The following NBPF3 variants were observed in gnomAD, a reference collection of about 807,000 sequenced individuals.
NBPF3 encodes the protein NBPF member 3.
A neutral mutation model predicts 78.1 loss-of-function variants in NBPF3; 57 were observed. The ratio of observed to expected loss-of-function variants is 0.73; its 90% CI spans 0.59 to 0.91. The LOEUF (loss-of-function observed/expected upper bound fraction) is 0.91, where lower values mean the gene tolerates loss of function less well. Among genes scored for constraint, NBPF3 ranks in the 40% least tolerant of loss-of-function variants. The probability of loss-of-function intolerance (pLI) is 0.00; values close to 1 mark genes in which losing one functional copy is unlikely to be tolerated. For synonymous variants in NBPF3, 182 were observed against 271.7 expected, an observed-to-expected ratio of 0.67 and a Z score of 3.25; for missense variants, 510 against 715.3, an observed-to-expected ratio of 0.71 and a Z score of 3.27.
chr1:21,466,429 A>T (rs551269748), intron 2 of NBPF3, among the ~76,000 whole-genome samples: 1 of 152,310 alleles, frequency 6.6e-6, no homozygotes, highest in Non-Finnish European at 1.5e-5. Flanking sequence ...AATCTTCTCC[A>T]TAAAATGCAC....
In NBPF3 at chr1:21,470,691, G is replaced by A; in HGVS notation, c.403G>A (p.Glu135Lys). The change falls in exon 4 of 15, where the codon GAA becomes AAA. Residue 135 changes from glutamate (E) to lysine (K), a missense_variant. By Grantham distance (56) the Glu-to-Lys change is moderately conservative. Coordinates refer to ENST00000318249, the MANE Select transcript of NBPF3 (RefSeq NM_032264.6). Reference protein sequence around the residue: ...SMLRDERLLTEEKLAEELGQA... With the variant: ...SMLRDERLLTKEKLAEELGQA... ...GCTGAGGGATGAGCGGCTGCTCACA[G>A]AAGAGAAGCTTGCAGAGGAGCTCGG... The A allele has an allele frequency of 6.2e-7, 1 of 1,601,560 alleles. No individual in the cohort carries two copies. Among genetic ancestry groups the A allele is most frequent in the Non-Finnish European group, 8.5e-7 (1 of 1,171,848 alleles).
rs1188459159 is a variant in NBPF3, at chr1:21,450,077, A to G, written c.133+4858A>G. 4.6e-5 allele frequency among the ~76,000 whole-genome samples: 7 copies of G among 152,324 alleles called. No individual in the cohort carries two copies. In the South Asian group the frequency reaches 1.2e-3, roughly 27 times the overall value. On this transcript the variant is annotated intron_variant, in intron 2 of 14. Transcript: ENST00000318249. ...CATTACCACAAACCAGTGGTTTGAA[A>G]CCACAGAAGTCTGGAATGAAGCGGC...
rs1453567445 is a variant in NBPF3 at position 21,444,991 on chromosome 1, T to C, written c.-96T>C. 36 of 1,404,952 alleles carry C rather than the reference T, an allele frequency of 2.6e-5. No individual in the cohort carries two copies. The highest frequency in any genetic ancestry group is 2.7e-4 in the Middle Eastern group (1 of 3,770). The allele number at this position is 1,404,952 out of a possible 1,614,324, so 87.0% of individuals were successfully genotyped here. A position where few individuals can be genotyped will look rare whatever the true frequency, so the allele number is the denominator to read the frequency against. On this transcript the variant is annotated 5_prime_UTR_variant, in exon 2 of 15. Transcript: ENST00000318249. ...CTGTTTAGACCCAGGCGAAGGTTCC[T>C]GGTGACCCAGGCTCTCACCAGCCAA...
At position 21,483,179 on chromosome 1, in the gene NBPF3, A is replaced by C. The variant is rs1558512812; in HGVS notation, c.1695A>C (p.Glu565Asp). ...NEVLMEAEEP[E>D]VLQDSLDRCY... The stretch of plus-strand genomic sequence containing the variant: ...TGCTGATGGAAGCAGAAGAGCCTGA[A>C]GTCTTGCAGGACTCACTGGATAGAT... The change falls in exon 15 of 15, where the codon GAA becomes GAC. Residue 565 changes from glutamate (E) to aspartate (D), a missense_variant. Transcript: ENST00000318249. 1.1e-5 allele frequency: 17 copies of C among 1,607,276 alleles called. No individual in the cohort carries two copies. The highest frequency in any genetic ancestry group is 1.4e-5 in the Non-Finnish European group (17 of 1,177,676).
At position 21,484,104 on chromosome 1, in the gene NBPF3, A is replaced by G. The variant is rs902927032; in HGVS notation, c.*718A>G. ...ACCTGGGACTCTGCCAGTGCAGAAT[A>G]TGAACAATGCCATGTTCTTGCAGAA... On this transcript the variant is annotated 3_prime_UTR_variant, in exon 15 of 15. Transcript: ENST00000318249. The G allele has an allele frequency of 2.6e-5, 2 of 76,278 alleles. No individual in the cohort carries two copies. The highest frequency in any genetic ancestry group is 6.3e-5 in the Non-Finnish European group (2 of 31,806). 4.7% of individuals were successfully genotyped at this position (76,278 alleles called of 1,614,324 possible). A position where few individuals can be genotyped will look rare whatever the true frequency, so the allele number is the denominator to read the frequency against.
In NBPF3 at chr1:21,484,115, C is replaced by A. The variant is rs1643360106; in HGVS notation, c.*729C>A. 1.4e-5 allele frequency: 1 copy of A among 69,380 alleles called. No homozygotes were observed. Among genetic ancestry groups the A allele is most frequent in the Admixed American group, 1.8e-4 (1 of 5,432 alleles). The allele number at this position is 69,380 out of a possible 1,614,324, so 4.3% of individuals were successfully genotyped here. A position where few individuals can be genotyped will look rare whatever the true frequency, so the allele number is the denominator to read the frequency against. On this transcript the variant is annotated 3_prime_UTR_variant, in exon 15 of 15. Coordinates refer to ENST00000318249, the MANE Select transcript of NBPF3 (RefSeq NM_032264.6). ...TGCCAGTGCAGAATATGAACAATGC[C>A]ATGTTCTTGCAGAAAATGCTTAGCC...
chr1:21,471,841 C>T, intron 5 of NBPF3, 58 bp downstream of exon 5: 1 of 1,586,778 alleles, frequency 6.3e-7, no homozygotes, highest in Non-Finnish European at 8.6e-7. Flanking sequence ...AGACTTCAGA[C>T]CTCCATACTT....
rs549786548 is a variant in NBPF3, at chr1:21,460,941, C to T, written c.134-7747C>T. On this transcript the variant is annotated intron_variant, in intron 2 of 14. Transcript: ENST00000318249. The surrounding 1 kb of genome is among the most constrained non-coding windows in gnomAD (Gnocchi z 4.2). The stretch of plus-strand genomic sequence containing the variant: ...GGTTACAAGAAAATGACAAACACAC[C>T]AGTGTTTCAATGAACATAAAATTTT... Among the ~76,000 whole-genome samples, 6 of 152,018 alleles carry T rather than the reference C, an allele frequency of 3.9e-5. No homozygotes were observed. The highest frequency in any genetic ancestry group is 9.7e-5 in the African/African-American group (4 of 41,356).
intron 11 of NBPF3, among the ~76,000 whole-genome samples, chr1:21,480,672 A>G (rs1351451853): frequency 1.3e-5 from 2 of 152,312 alleles, no homozygotes; most frequent in Non-Finnish European, 2.9e-5. Context: ...ATAAGGCATA[A>G]CTGTTTGCAC....
chr1:21,463,496 GAAAGTTCTCATTC>G (rs1642070455), intron 2 of NBPF3, among the ~76,000 whole-genome samples: 1 of 152,166 alleles, frequency 6.6e-6, no homozygotes, highest in Admixed American at 6.5e-5. Context: ...TAAAACCCAG[GAAAGTTCTCATTC>G]AAAAGACGAT....
intron 2 of NBPF3, among the ~76,000 whole-genome samples, chr1:21,466,611 T>G (rs1486636707): frequency 6.6e-6 from 1 of 152,262 alleles, no homozygotes; most frequent in Non-Finnish European, 1.5e-5. Flanking sequence ...AAAGCAAGGT[T>G]GCAGACACTT....
chr1:21,439,537 C>A (rs1640509841), upstream of NBPF3, among the ~76,000 whole-genome samples: 2 of 151,928 alleles, frequency 1.3e-5, no homozygotes, highest in African/African-American at 4.8e-5. Context: ...ATAAAATATC[C>A]CTGGAAGGAT....
intron 9 of NBPF3, 57 bp downstream of exon 9, chr1:21,478,364 A>G: frequency 1.3e-6 from 2 of 1,583,546 alleles, no homozygotes; most frequent in Non-Finnish European, 1.7e-6. Context: ...GGTAGACCCC[A>G]TAATCTTTGG....
chr1:21,443,840 G>A (rs543573482), intron 1 of NBPF3, among the ~76,000 whole-genome samples: 17 of 152,164 alleles, frequency 1.1e-4, no homozygotes, highest in Non-Finnish European at 2.1e-4. Context: ...CAAACTCCTG[G>A]GCTGAAATGA....
chr1:21,472,725 G>A (rs1642665754), intron 5 of NBPF3, 118 bp from the exon 6 acceptor site: 1 of 797,784 alleles, frequency 1.3e-6, no homozygotes, highest in Non-Finnish European at 2.2e-6. Context: ...TAAAACATGA[G>A]AGCTTTCAGC....
intron 1 of NBPF3, among the ~76,000 whole-genome samples, chr1:21,442,989 G>T (rs1395410034): frequency 5.3e-5 from 8 of 152,122 alleles, no homozygotes; most frequent in Non-Finnish European, 1.2e-4. Context: ...ACATGGATGT[G>T]TCTGCTTTAT....
chr1:21,478,148 C>T lies in NBPF3; in HGVS notation c.997C>T (p.Leu333=), dbSNP rs1642983080. 6.2e-7 allele frequency: 1 copy of T among 1,613,878 alleles called. No homozygotes were observed. The highest frequency in any genetic ancestry group is 8.5e-7 in the Non-Finnish European group (1 of 1,180,040). The change falls in exon 9 of 15, where the codon CTG becomes TTG. Residue 333 remains leucine, a synonymous_variant. Coordinates refer to ENST00000318249, the MANE Select transcript of NBPF3 (RefSeq NM_032264.6). ...EEKGPVSPRN[L]QESEEEEAPQ... is the part of the protein sequence containing the mutation. ...CTGTCCTGCCTGGCTCATCAGGAAT[C>T]TGCAGGAGTCTGAAGAGGAGGAAGC...
At chr1:21,450,936 A>T (rs2147918852) in intron 2 of NBPF3, among the ~76,000 whole-genome samples, 1 of 152,268 alleles carries the variant, frequency 6.6e-6, no homozygotes, top group South Asian at 2.1e-4. Flanking sequence ...GAAGTCAATG[A>T]CCCAAAATAG....
chr1:21,444,977 C>G lies in NBPF3; in HGVS notation c.-110C>G. The G allele has an allele frequency of 4.0e-6, 5 of 1,236,454 alleles. No individual in the cohort carries two copies. Among genetic ancestry groups the G allele is most frequent in the Non-Finnish European group, 5.6e-6 (5 of 895,048 alleles). The allele number at this position is 1,236,454 out of a possible 1,614,324, so 76.6% of individuals were successfully genotyped here. Reference sequence around the variant, plus strand: ...TCTGAAGGCAAATCCTGTTTAGACCCAGGCGAAGGTTCCTGGTGACCCAGG... The same window carrying G: ...TCTGAAGGCAAATCCTGTTTAGACCGAGGCGAAGGTTCCTGGTGACCCAGG... On this transcript the variant is annotated 5_prime_UTR_variant, in exon 2 of 15. Transcript: ENST00000318249.
Sources: allele counts gnomAD v4.1 joint callset (sites outside exome capture counted in the v4.1 genomes callset), GRCh38; gene constraint gnomAD v4.1.1; non-coding constraint Gnocchi (gnomAD v3.1); transcripts MANE v1.5; gene names NCBI Gene and HGNC (gene_info 2026-07-23, HGNC 2026-07-21).